WWOX: variants seen among roughly 807,000 people sequenced by gnomAD.
WWOX encodes the protein WW domain containing oxidoreductase, also known as WW domain-containing oxidoreductase.
WWOX carries 69 observed loss-of-function variants against 46.2 expected under a neutral mutation model. That is an observed-to-expected ratio of 1.49 (90% CI 1.23 to 1.82). The LOEUF (loss-of-function observed/expected upper bound fraction) is 1.82, where lower values mean the gene tolerates loss of function less well. Among genes scored for constraint, WWOX ranks in the 40% most tolerant of loss-of-function variants. The probability of loss-of-function intolerance (pLI) is 0.00; values close to 1 mark genes in which losing one functional copy is unlikely to be tolerated. For missense variants in WWOX, 919 were observed against 542.6 expected (o/e 1.69, Z -6.89); for synonymous variants, 359 against 202.6 (o/e 1.77, Z -6.56).
At chr16:78,552,001 C>G (rs945683874) in intron 8 of WWOX, 3 of 152,240 alleles carry the variant, frequency 2.0e-5, no homozygotes, top group Non-Finnish European at 2.9e-5. Flanking sequence ...AGAACTGGCT[C>G]TTGGTTGGGG....
chr16:79,120,760 G>A (rs80113885), intron 8 of WWOX, among the ~76,000 whole-genome samples: 5 of 152,090 alleles, frequency 3.3e-5, no homozygotes, highest in East Asian at 1.9e-4. Flanking sequence ...TTCCCTCTGC[G>A]TTTATTTTTT....
chr16:78,558,782 G>C (rs1341751735), intron 8 of WWOX, among the ~76,000 whole-genome samples: 1 of 152,174 alleles, frequency 6.6e-6, no homozygotes, highest in African/African-American at 2.4e-5. Context: ...ACATTCTTCT[G>C]CCTAGAGTAT....
intron 8 of WWOX, among the ~76,000 whole-genome samples, chr16:78,489,045 A>G (rs983363280): frequency 2.0e-5 from 3 of 152,120 alleles, no homozygotes; most frequent in East Asian, 3.8e-4. Context: ...TTTCAGAAAC[A>G]CTTCAGGAGA....
At chr16:78,180,398 C>A (rs2035491100) in intron 5 of WWOX, among the ~76,000 whole-genome samples, 1 of 151,296 alleles carries the variant, frequency 6.6e-6, no homozygotes, top group South Asian at 2.1e-4. Context: ...ATATGTTAGC[C>A]CTACTGGGTA....
chr16:78,142,722 C>T (rs976876091), intron 4 of WWOX, among the ~76,000 whole-genome samples: 1 of 152,172 alleles, frequency 6.6e-6, no homozygotes, highest in African/African-American at 2.4e-5. Flanking sequence ...TGGAGGTTTA[C>T]AGTTTTTCTA....
At chr16:78,715,640 C>A (rs2048543801) in intron 8 of WWOX, among the ~76,000 whole-genome samples, 1 of 152,238 alleles carries the variant, frequency 6.6e-6, no homozygotes, top group African/African-American at 2.4e-5. Context: ...CCACCACACC[C>A]AGCTTTTTGT....
chr16:78,215,022 C>T (rs1297558267), intron 5 of WWOX, among the ~76,000 whole-genome samples: 3 of 152,032 alleles, frequency 2.0e-5, no homozygotes, highest in Admixed American at 2.0e-4. Context: ...CCAATATGGG[C>T]CAAAGTTCAG....
chr16:79,049,452 G>A (rs1399852234), intron 8 of WWOX, among the ~76,000 whole-genome samples: 1 of 152,188 alleles, frequency 6.6e-6, no homozygotes, highest in Non-Finnish European at 1.5e-5. Flanking sequence ...TGGTACAGCT[G>A]TCACCCATTT....
intron 8 of WWOX, among the ~76,000 whole-genome samples, chr16:78,481,078 G>A (rs574273403): frequency 2.0e-5 from 3 of 152,168 alleles, no homozygotes; most frequent in Non-Finnish European, 4.4e-5. Context: ...ATCTAAATTA[G>A]CAAAGAGAAA....
In WWOX at chr16:78,227,122, C is replaced by T. The variant is rs1487180620; in HGVS notation, c.516+62833C>T. ...GCTTGCAATCACAGCCACGCGGGCT[C>T]GCAATATTACCACGAAATCATTTTA... is the stretch of plus-strand genomic sequence containing the variant. On this transcript the variant is annotated intron_variant, in intron 5 of 8. Coordinates refer to ENST00000566780, the MANE Select transcript of WWOX (RefSeq NM_016373.4). 4.6e-5 allele frequency among the ~76,000 whole-genome samples: 7 copies of T among 152,154 alleles called. No homozygotes were observed. In the East Asian group the frequency reaches 5.8e-4, roughly 13 times the overall value.
At chr16:79,131,138 G>C (rs537810200) in intron 8 of WWOX, among the ~76,000 whole-genome samples, 1 of 152,084 alleles carries the variant, frequency 6.6e-6, no homozygotes, top group African/African-American at 2.4e-5. Context: ...CCTGCCTCCC[G>C]GGCCTTCCTT....
chr16:78,147,968 C>G (rs1052189761), intron 4 of WWOX, among the ~76,000 whole-genome samples: 1 of 151,614 alleles, frequency 6.6e-6, no homozygotes, highest in Non-Finnish European at 1.5e-5. Context: ...GTGTAGAATC[C>G]TGGTGGCTGG....
intron 8 of WWOX, among the ~76,000 whole-genome samples, chr16:78,645,199 G>C (rs1391133476): frequency 1.3e-5 from 2 of 152,062 alleles, no homozygotes; most frequent in African/African-American, 4.8e-5. Context: ...TTTCTCTCCT[G>C]CGTGGTCTTG....
At chr16:78,782,984 AG>A (rs1247439618) in intron 8 of WWOX, among the ~76,000 whole-genome samples, 3 of 152,220 alleles carry the variant, frequency 2.0e-5, no homozygotes, top group Non-Finnish European at 2.9e-5. Flanking sequence ...CTGTGAACAC[AG>A]GGATTTTGAA....
At chr16:79,001,253 T>A (rs2047087179) in intron 8 of WWOX, among the ~76,000 whole-genome samples, 1 of 152,064 alleles carries the variant, frequency 6.6e-6, no homozygotes, top group African/African-American at 2.4e-5. Context: ...TTGCCTCCTC[T>A]CCCAAGACAA....
intron 8 of WWOX, among the ~76,000 whole-genome samples, chr16:78,834,517 G>T (rs1384746389): frequency 6.6e-6 from 1 of 152,116 alleles, no homozygotes; most frequent in Non-Finnish European, 1.5e-5. Flanking sequence ...GTATCCTCAG[G>T]AGGTCTGTAA....
intron 8 of WWOX, among the ~76,000 whole-genome samples, chr16:78,921,734 G>T (rs1349982687): frequency 6.6e-6 from 1 of 152,156 alleles, no homozygotes; most frequent in Non-Finnish European, 1.5e-5. Flanking sequence ...CTTCTCATGG[G>T]CTACTGTGAG....
intron 8 of WWOX, among the ~76,000 whole-genome samples, chr16:79,032,237 G>T (rs1428493279): frequency 6.9e-6 from 1 of 144,940 alleles, no homozygotes. Flanking sequence ...TGTATGTATA[G>T]AGAGTCTATT....
chr16:78,336,721 G>C (rs4036023), intron 5 of WWOX, among the ~76,000 whole-genome samples: 14 of 152,170 alleles, frequency 9.2e-5, no homozygotes, highest in African/African-American at 3.1e-4. Flanking sequence ...TTAAAAATTA[G>C]AGGCTAAAAG....
Sources: gnomAD v4.1 joint callset for allele counts (sites outside exome capture counted in the v4.1 genomes callset) on GRCh38, gnomAD v4.1.1 for gene constraint, MANE v1.5 for transcripts, NCBI Gene and HGNC (gene_info 2026-07-23, HGNC 2026-07-21) for gene names.